Variants in RUNX2 observed in about 807,000 individuals in gnomAD.
RUNX2 encodes RUNX family transcription factor 2, also known as runt-related transcription factor 2.
In RUNX2, 10 loss-of-function variants were observed where a neutral mutation model predicts 51.7. The ratio of observed to expected loss-of-function variants is 0.19; its 90% CI spans 0.12 to 0.33. The LOEUF is 0.33. Among genes scored for constraint, RUNX2 ranks in the 10% least tolerant of loss-of-function variants. The pLI, the probability that RUNX2 is intolerant of heterozygous loss-of-function variation, is 1.00. For missense variants in RUNX2, 562 were observed against 691.3 expected (o/e 0.81, Z 2.10); for synonymous variants, 276 against 273.6 (o/e 1.01, Z -0.09).
At chr6:45,517,936 A>C (rs1388212074) in intron 7 of RUNX2, among the ~76,000 whole-genome samples, 3 of 152,312 alleles carry the variant, frequency 2.0e-5, no homozygotes, top group Admixed American at 1.3e-4. Context: ...AAGTTCTTGA[A>C]ACCAGCAGCT....
At chr6:45,479,398 TG>T (rs1233602546) in intron 5 of RUNX2, among the ~76,000 whole-genome samples, 2 of 152,166 alleles carry the variant, frequency 1.3e-5, no homozygotes, top group Non-Finnish European at 2.9e-5. Flanking sequence ...GGTATGCTTG[TG>T]ATCAGAAGTG....
intron 2 of RUNX2, among the ~76,000 whole-genome samples, chr6:45,364,239 T>C (rs978054492): frequency 1.3e-5 from 2 of 152,184 alleles, no homozygotes; most frequent in Admixed American, 6.6e-5. Context: ...GCCAAAAAGT[T>C]TGAGAGCTCC....
intron 5 of RUNX2, among the ~76,000 whole-genome samples, chr6:45,450,180 C>T (rs1477241159): frequency 2.6e-5 from 4 of 152,114 alleles, no homozygotes; most frequent in Non-Finnish European, 4.4e-5. Context: ...ACAATAGAAC[C>T]GACAATTGTT....
At chr6:45,348,674 CAAA>C (rs574845659) in intron 2 of RUNX2, among the ~76,000 whole-genome samples, 2 of 76,014 alleles carry the variant, frequency 2.6e-5, no homozygotes, top group Non-Finnish European at 2.4e-5. Context: ...AACTCCAACT[CAAA>C]AAAAAAAAAA....
chr6:45,514,902 T>G (rs1801271883), intron 7 of RUNX2, among the ~76,000 whole-genome samples: 1 of 152,020 alleles, frequency 6.6e-6, no homozygotes, highest in Non-Finnish European at 1.5e-5. Flanking sequence ...GGCTCCTACA[T>G]GTGAGACTTA....
intron 7 of RUNX2, among the ~76,000 whole-genome samples, chr6:45,517,929 T>G (rs1801382741): frequency 6.6e-6 from 1 of 152,004 alleles, no homozygotes; most frequent in Non-Finnish European, 1.5e-5. Context: ...CCGAGTCAAG[T>G]TCTTGAAACC....
At chr6:45,426,875 T>A (rs1798396225) in intron 3 of RUNX2, among the ~76,000 whole-genome samples, 1 of 152,186 alleles carries the variant, frequency 6.6e-6, no homozygotes, top group African/African-American at 2.4e-5. Flanking sequence ...GGTAAATACT[T>A]GATACCAGTG....
intron 2 of RUNX2, among the ~76,000 whole-genome samples, chr6:45,380,397 C>T (rs1046693404): frequency 1.3e-5 from 2 of 152,176 alleles, no homozygotes; most frequent in African/African-American, 4.8e-5. Context: ...TAGACTTTAA[C>T]GTTCCTCTGG....
At chr6:45,359,147 G>C (rs1167882630) in intron 2 of RUNX2, among the ~76,000 whole-genome samples, 1 of 152,022 alleles carries the variant, frequency 6.6e-6, no homozygotes, top group Non-Finnish European at 1.5e-5. Flanking sequence ...AGAATTGATA[G>C]TAATATTTAA....
intron 3 of RUNX2, among the ~76,000 whole-genome samples, chr6:45,428,013 A>G (rs1190626579): frequency 1.3e-5 from 2 of 152,166 alleles, no homozygotes; most frequent in African/African-American, 4.8e-5. Flanking sequence ...TCCTTTTCTC[A>G]TGGAGTTTCT....
intron 8 of RUNX2, 90 bp downstream of exon 8, chr6:45,545,372 T>C: frequency 7.2e-7 from 1 of 1,385,482 alleles, no homozygotes; most frequent in East Asian, 2.5e-5. Flanking sequence ...TTTTGTTAAC[T>C]ATATGTTGCT....
chr6:45,458,936 A>G (rs553415746), intron 5 of RUNX2, among the ~76,000 whole-genome samples: 46 of 152,192 alleles, frequency 3.0e-4, no homozygotes, highest in Non-Finnish European at 5.1e-4. Flanking sequence ...AGAAATGCGT[A>G]GCTGTATTCT....
At position 45,537,026 on chromosome 6, in the gene RUNX2, C is replaced by T. The variant is rs564372214; in HGVS notation, c.1022-8191C>T. 6.6e-5 allele frequency among the ~76,000 whole-genome samples: 10 copies of T among 152,250 alleles called. No individual in the cohort carries two copies. The South Asian group carries it at 1.2e-3, about 19-fold the overall frequency. On this transcript the variant is annotated intron_variant, in intron 7 of 8. Transcript: ENST00000647337. ...TCTGGCTCTACTAGTTCAAATAGTG[C>T]GGGTAAGGAGGAATGCCCTTTTAGG...
At position 45,362,757 on chromosome 6, in the gene RUNX2, G is replaced by T. The variant is rs866980117; in HGVS notation, c.58+33973G>T. ...TAGCCAACAATAACTTTTGCATTCCGAATTCAGCTTAGGTACATTGGTTGG... is the reference window on the plus strand; with the variant it reads ...TAGCCAACAATAACTTTTGCATTCCTAATTCAGCTTAGGTACATTGGTTGG... On this transcript the variant is annotated intron_variant, in intron 2 of 8. Transcript: ENST00000647337. 5.3e-4 allele frequency among the ~76,000 whole-genome samples: 80 copies of T among 152,218 alleles called. No individual in the cohort carries two copies. The Middle Eastern group carries it at 0.024, about 45-fold the overall frequency.
chr6:45,341,472 G>T (rs994730418), intron 2 of RUNX2, among the ~76,000 whole-genome samples: 1 of 152,026 alleles, frequency 6.6e-6, no homozygotes, highest in Admixed American at 6.6e-5. Flanking sequence ...CATGAGGTAG[G>T]ATCACACTAA....
At chr6:45,543,549 T>C (rs998003322) in intron 7 of RUNX2, among the ~76,000 whole-genome samples, 11 of 152,166 alleles carry the variant, frequency 7.2e-5, no homozygotes, top group African/African-American at 2.7e-4. Flanking sequence ...GTTTTATATT[T>C]AGAAAATCAG....
At chr6:45,528,339 G>C (rs1025387145) in intron 7 of RUNX2, among the ~76,000 whole-genome samples, 1 of 152,126 alleles carries the variant, frequency 6.6e-6, no homozygotes, top group Non-Finnish European at 1.5e-5. Flanking sequence ...ATGCACTTTA[G>C]GTCAGGCGCG....
chr6:45,391,442 G>A (rs1797468271), intron 2 of RUNX2, among the ~76,000 whole-genome samples: 1 of 152,162 alleles, frequency 6.6e-6, no homozygotes, highest in Admixed American at 6.5e-5. Context: ...TACTTGTACA[G>A]CCTGAAGAAC....
intron 5 of RUNX2, among the ~76,000 whole-genome samples, chr6:45,455,827 T>G (rs1198477578): frequency 6.6e-6 from 1 of 152,234 alleles, no homozygotes. Context: ...GAAATGAATA[T>G]TCTCATGTAC....
Sources: gnomAD v4.1 joint callset for allele counts (sites outside exome capture counted in the v4.1 genomes callset) on GRCh38, gnomAD v4.1.1 for gene constraint, MANE v1.5 for transcripts, NCBI Gene and HGNC (gene_info 2026-07-23, HGNC 2026-07-21) for gene names.